ERI1: variants seen among roughly 807,000 people sequenced by gnomAD.
The protein encoded by ERI1 is 3'-5' exoribonuclease 1.
Under a neutral mutation model 39.7 loss-of-function variants are expected in ERI1, and 39 were observed. That is an observed-to-expected ratio of 0.98 (90% CI 0.76 to 1.28). ERI1 has a LOEUF of 1.28. Among genes scored for constraint, ERI1 ranks in the 50% most tolerant of loss-of-function variants. The pLI is 0.00. For missense variants in ERI1, 581 were observed against 416.9 expected, an observed-to-expected ratio of 1.39 and a Z score of -3.43; for synonymous variants, 204 against 149.6, an observed-to-expected ratio of 1.36 and a Z score of -2.65.
intron 3 of ERI1, among the ~76,000 whole-genome samples, chr8:9,069,247 C>T (rs1334419309): frequency 2.6e-5 from 4 of 152,232 alleles, no homozygotes; most frequent in African/African-American, 9.6e-5. Flanking sequence ...CTAGGAGGAT[C>T]TTTTCACTTG....
At chr8:9,025,299 T>G (rs1168741500) in intron 6 of ERI1, among the ~76,000 whole-genome samples, 1 of 152,192 alleles carries the variant, frequency 6.6e-6, no homozygotes, top group Non-Finnish European at 1.5e-5. Context: ...CATTTTAAGG[T>G]TTTCTGTTGT....
At chr8:9,075,104 T>A (rs1483951813) in intron 3 of ERI1, among the ~76,000 whole-genome samples, 1 of 152,208 alleles carries the variant, frequency 6.6e-6, no homozygotes, top group African/African-American at 2.4e-5. Flanking sequence ...GCACATGACA[T>A]TCTTTCTAAT....
Position 9,061,722 on chromosome 8 carries a change from G to A in ERI1, n.299+41258G>A, listed in dbSNP as rs548349132. 5.9e-5 allele frequency among the ~76,000 whole-genome samples: 9 copies of A among 152,184 alleles called. No individual in the cohort carries two copies. In the East Asian group the frequency reaches 1.5e-3, roughly 26 times the overall value. Reference sequence around the variant, plus strand: ...CATGATCAGCAGGGAGAGCATGTGTGTTTTTATGAGAATTATGCCGAGATA... The same window carrying A: ...CATGATCAGCAGGGAGAGCATGTGTATTTTTATGAGAATTATGCCGAGATA... On this transcript the variant is annotated intron_variant and non_coding_transcript_variant, in intron 3 of 3. Transcript: ENST00000518663.
intron 3 of ERI1, among the ~76,000 whole-genome samples, chr8:9,069,013 C>T (rs1160880503): frequency 1.3e-5 from 2 of 152,038 alleles, no homozygotes; most frequent in Non-Finnish European, 2.9e-5. Flanking sequence ...AGATGAGGGC[C>T]GCGCTGTGTG....
At chr8:9,027,818 C>G (rs1316896100) in intron 6 of ERI1, among the ~76,000 whole-genome samples, 1 of 152,146 alleles carries the variant, frequency 6.6e-6, no homozygotes, top group Non-Finnish European at 1.5e-5. Context: ...TATGTCTATA[C>G]TAATACCACT....
At chr8:9,013,839 A>T (rs1246609670) in intron 3 of ERI1, among the ~76,000 whole-genome samples, 2 of 152,136 alleles carry the variant, frequency 1.3e-5, no homozygotes, top group Non-Finnish European at 2.9e-5. Context: ...CAGGTCATCA[A>T]TGATTCCTGT....
chr8:9,004,439 G>A (rs1306988550), intron 1 of ERI1: 1 of 241,740 alleles, frequency 4.1e-6, no homozygotes, highest in Non-Finnish European at 7.3e-6. Context: ...TTTAGTGACG[G>A]TAGTAATTGT....
At chr8:9,057,482 C>G (rs1434175052) in intron 3 of ERI1, among the ~76,000 whole-genome samples, 1 of 152,112 alleles carries the variant, frequency 6.6e-6, no homozygotes, top group Non-Finnish European at 1.5e-5. Flanking sequence ...TTTTGCGGTC[C>G]AAGTTTAGAA....
intron 3 of ERI1, among the ~76,000 whole-genome samples, chr8:9,048,097 G>A (rs539566810): frequency 6.6e-6 from 1 of 152,300 alleles, no homozygotes; most frequent in African/African-American, 2.4e-5. Flanking sequence ...TCTGGGAAGG[G>A]CCACAACCAC....
rs3083379 is a variant in ERI1 at position 9,023,793 on chromosome 8, C to CTTTTTTTTTT, written c.807+3343_807+3352dup. Among the ~76,000 whole-genome samples, 15 of 80,546 alleles carry CTTTTTTTTTT rather than the reference C, an allele frequency of 1.9e-4. 1 individual carries two copies. Among genetic ancestry groups the CTTTTTTTTTT allele is most frequent in the Non-Finnish European group, 2.6e-4 (12 of 46,684 alleles). The allele number at this position is 80,546 out of a possible 152,430, so 52.8% of individuals were successfully genotyped here. A position where few individuals can be genotyped will look rare whatever the true frequency, so the allele number is the denominator to read the frequency against. On this transcript the variant is annotated intron_variant, in intron 6 of 6. Coordinates refer to ENST00000250263, the MANE Select transcript of ERI1 (RefSeq NM_153332.4). ...ACATTTTTTTTTTAAGTAAAAATGA[C>CTTTTTTTTTT]TTTTTTTTTTTTTTTTTTTTTTTGA... is the stretch of plus-strand genomic sequence containing the variant.
At chr8:9,092,553 G>T (rs1054248916) in intron 3 of ERI1, among the ~76,000 whole-genome samples, 2 of 152,216 alleles carry the variant, frequency 1.3e-5, no homozygotes, top group African/African-American at 4.8e-5. Context: ...AGATTACGGG[G>T]AATCAAATGA....
intron 3 of ERI1, among the ~76,000 whole-genome samples, chr8:9,039,162 C>T (rs1797943485): frequency 6.6e-6 from 1 of 152,162 alleles, no homozygotes; most frequent in Admixed American, 6.5e-5. Flanking sequence ...TACTCTTTAA[C>T]CTAGAAAACC....
At chr8:9,062,978 A>T (rs1315831833) in intron 3 of ERI1, among the ~76,000 whole-genome samples, 1 of 151,980 alleles carries the variant, frequency 6.6e-6, no homozygotes, top group African/African-American at 2.4e-5. Flanking sequence ...TGTGCTGGAG[A>T]TGTGGCTGGG....
chr8:9,090,611 TTAAA>T (rs1799673806), intron 3 of ERI1, among the ~76,000 whole-genome samples: 4 of 152,198 alleles, frequency 2.6e-5, no homozygotes. Context: ...GGTTAAAAGT[TTAAA>T]TAGGACAAAA....
chr8:9,085,712 G>A (rs1799503186), intron 3 of ERI1, among the ~76,000 whole-genome samples: 2 of 151,940 alleles, frequency 1.3e-5, no homozygotes, highest in Admixed American at 6.6e-5. Flanking sequence ...CACTCTAAGT[G>A]ATGAGACAGT....
intron 3 of ERI1, chr8:9,091,468 A>G (rs909445009): frequency 5.3e-5 from 8 of 151,874 alleles, no homozygotes; most frequent in Admixed American, 3.9e-4. Flanking sequence ...AGGTTGCATC[A>G]TAGCACTCTA....
chr8:9,076,312 A>T (rs1417948574), intron 3 of ERI1, among the ~76,000 whole-genome samples: 1 of 152,364 alleles, frequency 6.6e-6, no homozygotes, highest in South Asian at 2.1e-4. Context: ...CCCTAAAACT[A>T]CGGTACAGAA....
chr8:9,011,433 C>G (rs1816655213), intron 2 of ERI1, 109 bp from the exon 3 acceptor site: 2 of 585,088 alleles, frequency 3.4e-6, no homozygotes, highest in Non-Finnish European at 5.6e-6. Context: ...CTAGCATTTG[C>G]TAAATTTCGC....
At chr8:9,094,340 C>A (rs1799805419) in intron 3 of ERI1, among the ~76,000 whole-genome samples, 1 of 152,212 alleles carries the variant, frequency 6.6e-6, no homozygotes, top group Non-Finnish European at 1.5e-5. Flanking sequence ...CAGACTTGGG[C>A]AGCATTCCAA....
Sources: gnomAD v4.1 joint callset for allele counts (sites outside exome capture counted in the v4.1 genomes callset) on GRCh38, gnomAD v4.1.1 for gene constraint, MANE v1.5 for transcripts, NCBI Gene and HGNC (gene_info 2026-07-23, HGNC 2026-07-21) for gene names.